SLC16A7: variants seen among roughly 807,000 people sequenced by gnomAD.
SLC16A7 encodes monocarboxylate transporter 2.
SLC16A7 carries 33 observed loss-of-function variants against 34.9 expected under a neutral mutation model. The ratio of observed to expected loss-of-function variants is 0.94; its 90% confidence interval spans 0.72 to 1.26. The LOEUF (loss-of-function observed/expected upper bound fraction) is 1.26, where lower values mean the gene tolerates loss of function less well. SLC16A7 is among the 50% of genes most tolerant of loss of function. The pLI is 0.00. For missense variants in SLC16A7, 573 were observed against 578.1 expected (o/e 0.99, Z 0.09); for synonymous variants, 201 against 206.6 (o/e 0.97, Z 0.23).
At chr12:59,767,290 C>T (rs1160388959) in intron 3 of SLC16A7, among the ~76,000 whole-genome samples, 1 of 151,796 alleles carries the variant, frequency 6.6e-6, no homozygotes, top group Non-Finnish European at 1.5e-5. Context: ...AGCAAGTTAT[C>T]CTGAAGATCT....
chr12:59,756,314 C>T (rs565819863), intron 3 of SLC16A7, among the ~76,000 whole-genome samples: 1 of 152,118 alleles, frequency 6.6e-6, no homozygotes, highest in Non-Finnish European at 1.5e-5. Flanking sequence ...TCAGAGTGAA[C>T]AGGCAACCTA....
Position 59,606,624 on chromosome 12 carries a change from G to A in SLC16A7, c.-130+10388G>A, listed in dbSNP as rs542604280. 2.6e-5 allele frequency among the ~76,000 whole-genome samples: 4 copies of A among 152,268 alleles called. 1 individual carries two copies. The highest frequency in any genetic ancestry group is 6.8e-3 in the Middle Eastern group (2 of 294). On this transcript the variant is annotated intron_variant, in intron 1 of 5. Transcript: ENST00000547379. ...CCATTATAGCACCCCAAGAGTCAGT[G>A]CCTCAGCCGATGTTTCAGTGCAGGT...
intron 1 of SLC16A7, among the ~76,000 whole-genome samples, chr12:59,622,471 A>G (rs971545007): frequency 1.3e-5 from 2 of 151,878 alleles, no homozygotes; most frequent in African/African-American, 4.8e-5. Context: ...TATGTGTTAT[A>G]TATTCTGTAT....
In SLC16A7 at chr12:59,768,229, T is replaced by C. The variant is rs558745326; in HGVS notation, c.218-2990T>C. Reference sequence around the variant, plus strand: ...ATAACATCACGATCATTCACTGTTATGGGAGGAGGTCAAAATACCAACATT... The same window carrying C: ...ATAACATCACGATCATTCACTGTTACGGGAGGAGGTCAAAATACCAACATT... On this transcript the variant is annotated intron_variant, in intron 3 of 5. Coordinates refer to ENST00000547379, the MANE Select transcript of SLC16A7 (RefSeq NM_001270623.2). 533 of 455,054 alleles carry C rather than the reference T, an allele frequency of 1.2e-3. 6 individuals are homozygous for C. The highest frequency in any genetic ancestry group is 7.3e-3 in the South Asian group (469 of 64,244). 28.2% of individuals were successfully genotyped at this position (455,054 alleles called of 1,614,324 possible). A position where few individuals can be genotyped will look rare whatever the true frequency, so the allele number is the denominator to read the frequency against.
At chr12:59,640,584 A>G (rs906471169) in intron 1 of SLC16A7, among the ~76,000 whole-genome samples, 1 of 152,114 alleles carries the variant, frequency 6.6e-6, no homozygotes, top group Admixed American at 6.6e-5. Context: ...TAACAAGAGG[A>G]TCCATGCCAC....
intron 1 of SLC16A7, among the ~76,000 whole-genome samples, chr12:59,603,072 A>G (rs151157890): frequency 7.3e-4 from 111 of 152,216 alleles, no homozygotes; most frequent in African/African-American, 2.6e-3. Flanking sequence ...GAAGCTTTTG[A>G]GACCACCCTT....
intron 1 of SLC16A7, among the ~76,000 whole-genome samples, chr12:59,643,599 G>C (rs1014074869): frequency 1.1e-4 from 16 of 152,130 alleles, no homozygotes; most frequent in Admixed American, 2.6e-4. Context: ...CTTTTATTAA[G>C]CAGATTACAG....
intron 1 of SLC16A7, among the ~76,000 whole-genome samples, chr12:59,631,039 G>A (rs1880159036): frequency 6.6e-6 from 1 of 151,920 alleles, no homozygotes; most frequent in Non-Finnish European, 1.5e-5. Context: ...TTCAAAATTA[G>A]AAATGTTTTA....
At chr12:59,746,418 C>G (rs796756889) in intron 3 of SLC16A7, among the ~76,000 whole-genome samples, 2 of 152,274 alleles carry the variant, frequency 1.3e-5, no homozygotes, top group African/African-American at 4.8e-5. Flanking sequence ...CCTGAAAATG[C>G]TAGAAAGGTC....
In SLC16A7 at chr12:59,774,655, A is replaced by T; in HGVS notation, c.362-2A>T. 3.2e-6 allele frequency: 5 copies of T among 1,546,776 alleles called. No homozygotes were observed. The highest frequency in any genetic ancestry group is 1.4e-5 in the African/African-American group (1 of 72,116). On this transcript the variant is annotated splice_acceptor_variant, in intron 4 of 5. Coordinates refer to ENST00000547379, the MANE Select transcript of SLC16A7 (RefSeq NM_001270623.2). LOFTEE classifies it high-confidence loss of function. The stretch of plus-strand genomic sequence containing the variant: ...CCCCCACTTTTGTTTTGTTCTTTTT[A>T]GGTTTAGGTTTAGCCTTCAACCTGC...
intron 1 of SLC16A7, among the ~76,000 whole-genome samples, chr12:59,615,019 A>AAAATAAAT (rs559302692): frequency 1.7e-4 from 26 of 150,852 alleles, no homozygotes; most frequent in African/African-American, 6.1e-4. Context: ...TAAATAAATA[A>AAAATAAAT]AAATAAATAA....
intron 2 of SLC16A7, among the ~76,000 whole-genome samples, chr12:59,704,543 A>G (rs1873330054): frequency 1.3e-5 from 2 of 152,184 alleles, no homozygotes; most frequent in Non-Finnish European, 2.9e-5. Flanking sequence ...TTGTTTCAAT[A>G]ATCAAATTAA....
chr12:59,755,181 T>C (rs1362950573), intron 3 of SLC16A7, among the ~76,000 whole-genome samples: 5 of 152,178 alleles, frequency 3.3e-5, no homozygotes, highest in Non-Finnish European at 5.9e-5. Context: ...AGCATTCCCT[T>C]TGAAAACTGG....
intron 2 of SLC16A7, among the ~76,000 whole-genome samples, chr12:59,691,259 C>T (rs906088270): frequency 2.0e-5 from 3 of 151,982 alleles, no homozygotes; most frequent in Non-Finnish European, 2.9e-5. Context: ...CGGATTGCAG[C>T]TCTGGAGCAT....
chr12:59,782,150 G>A lies in SLC16A7; in HGVS notation c.*2471G>A, dbSNP rs1203628986. The A allele has an allele frequency of 1.3e-5, 2 of 152,138 alleles. No homozygotes were observed. Among genetic ancestry groups the A allele is most frequent in the African/African-American group, 4.8e-5 (2 of 41,440 alleles). The allele number at this position is 152,138 out of a possible 1,614,324, so 9.4% of individuals were successfully genotyped here. ...CACATGATTTGTACAGTCACACCTG[G>A]CAGTAGCACTGCACAGTTACAAATA... On this transcript the variant is annotated 3_prime_UTR_variant, in exon 6 of 6. Transcript: ENST00000547379.
chr12:59,638,067 C>CA (rs1427826990), intron 1 of SLC16A7, among the ~76,000 whole-genome samples: 1 of 152,002 alleles, frequency 6.6e-6, no homozygotes, highest in Non-Finnish European at 1.5e-5. Flanking sequence ...TATAGCAGTA[C>CA]AAAATGAGCT....
At chr12:59,656,650 C>A (rs1868549605) in intron 2 of SLC16A7, among the ~76,000 whole-genome samples, 1 of 151,936 alleles carries the variant, frequency 6.6e-6, no homozygotes, top group African/African-American at 2.4e-5. Flanking sequence ...GTTACAGCAG[C>A]AACAGAAAAC....
At chr12:59,650,250 T>C (rs1027672246) in intron 1 of SLC16A7, among the ~76,000 whole-genome samples, 2 of 152,058 alleles carry the variant, frequency 1.3e-5, no homozygotes, top group Non-Finnish European at 2.9e-5. Context: ...GTGTGTCTTA[T>C]TCAAAATAAA....
intron 3 of SLC16A7, among the ~76,000 whole-genome samples, chr12:59,740,142 T>C (rs1249682410): frequency 6.6e-6 from 1 of 151,652 alleles, no homozygotes; most frequent in Non-Finnish European, 1.5e-5. Flanking sequence ...TGAATGGTAA[T>C]GCCTAGGTTT....
Sources: gnomAD v4.1 joint callset for allele counts (sites outside exome capture counted in the v4.1 genomes callset) on GRCh38, gnomAD v4.1.1 for gene constraint, MANE v1.5 for transcripts, NCBI Gene and HGNC (gene_info 2026-07-23, HGNC 2026-07-21) for gene names.